Variants in MMP16 observed in about 807,000 individuals in gnomAD.
The protein encoded by MMP16 is matrix metallopeptidase 16, also known as matrix metalloproteinase-16.
Under a neutral mutation model 67.8 loss-of-function variants are expected in MMP16, and 12 were observed. That is an observed-to-expected ratio of 0.18 (90% CI 0.11 to 0.29). The LOEUF (loss-of-function observed/expected upper bound fraction) is 0.29. Ranked by LOEUF, MMP16 falls within the 10% of genes least tolerant of loss-of-function variation. MMP16 has a pLI of 1.00. For missense variants in MMP16, 475 were observed against 765.7 expected, an observed-to-expected ratio of 0.62 and a Z score of 4.48; for synonymous variants, 249 against 255.9, an observed-to-expected ratio of 0.97 and a Z score of 0.26.
chr8:88,201,847 G>A (rs1218820246), intron 1 of MMP16, among the ~76,000 whole-genome samples: 3 of 152,090 alleles, frequency 2.0e-5, no homozygotes, highest in African/African-American at 7.2e-5. Flanking sequence ...AACAGCTTAA[G>A]GACTTTTTTT....
intron 1 of MMP16, among the ~76,000 whole-genome samples, chr8:88,271,153 G>C (rs1430973210): frequency 2.6e-5 from 4 of 152,116 alleles, no homozygotes; most frequent in Non-Finnish European, 4.4e-5. Flanking sequence ...ATACAAACAG[G>C]TATCTAACCA....
chr8:88,224,375 T>C (rs1324253761), intron 1 of MMP16, among the ~76,000 whole-genome samples: 1 of 152,082 alleles, frequency 6.6e-6, no homozygotes, highest in Non-Finnish European at 1.5e-5. Flanking sequence ...ACATATACTA[T>C]AAACAGATAG....
rs1214996172 is a variant in MMP16, at chr8:88,171,627, GA to G, written c.405-3655del. Among the ~76,000 whole-genome samples, 5 of 152,050 alleles carry G rather than the reference GA, an allele frequency of 3.3e-5. No homozygotes were observed. The South Asian group carries it at 6.2e-4, about 19-fold the overall frequency. On this transcript the variant is annotated intron_variant, in intron 3 of 9. Coordinates refer to ENST00000286614, the MANE Select transcript of MMP16 (RefSeq NM_005941.5). ...TATAAAATTCTAAATTAAAAAATAG[GA>G]AAAAACATAATTATAGATATTATTT...
At chr8:88,112,192 T>C (rs1809348641) in intron 6 of MMP16, among the ~76,000 whole-genome samples, 1 of 151,572 alleles carries the variant, frequency 6.6e-6, no homozygotes, top group African/African-American at 2.4e-5. Context: ...CTATCCTTTT[T>C]TTTTTTTTTT....
intron 1 of MMP16, among the ~76,000 whole-genome samples, chr8:88,239,659 G>T (rs537373709): frequency 6.6e-6 from 1 of 152,114 alleles, no homozygotes; most frequent in South Asian, 2.1e-4. Context: ...TCATCTAAGC[G>T]TCTTATGTTT....
chr8:88,209,856 A>G (rs1464986270), intron 1 of MMP16, among the ~76,000 whole-genome samples: 1 of 152,274 alleles, frequency 6.6e-6, no homozygotes, highest in Non-Finnish European at 1.5e-5. Context: ...TTATCCATTC[A>G]TCTCTCAAAG....
At chr8:88,161,275 G>C (rs1270010454) in intron 4 of MMP16, among the ~76,000 whole-genome samples, 1 of 152,068 alleles carries the variant, frequency 6.6e-6, no homozygotes, top group African/African-American at 2.4e-5. Flanking sequence ...TTTAGTCTTG[G>C]GACGGTGTAT....
intron 4 of MMP16, among the ~76,000 whole-genome samples, chr8:88,119,355 A>G (rs988054454): frequency 3.9e-5 from 6 of 152,186 alleles, no homozygotes; most frequent in African/African-American, 1.4e-4. Flanking sequence ...GGGACTCAAG[A>G]TATTTTGACT....
intron 1 of MMP16, among the ~76,000 whole-genome samples, chr8:88,306,059 AAG>A (rs1318952607): frequency 2.0e-5 from 3 of 152,050 alleles, no homozygotes; most frequent in African/African-American, 7.2e-5. Flanking sequence ...GGAAAAAGAA[AAG>A]AGAGAAGAAT....
chr8:88,177,554 C>T (rs1808912706), intron 3 of MMP16, among the ~76,000 whole-genome samples: 1 of 152,148 alleles, frequency 6.6e-6, no homozygotes, highest in Admixed American at 6.5e-5. Flanking sequence ...CAAATTCTTA[C>T]AGTGAAGATC....
At chr8:88,273,403 T>C (rs1468745548) in intron 1 of MMP16, among the ~76,000 whole-genome samples, 1 of 152,104 alleles carries the variant, frequency 6.6e-6, no homozygotes, top group East Asian at 1.9e-4. Context: ...GAAAATAACC[T>C]GCCTTTGATG....
intron 6 of MMP16, among the ~76,000 whole-genome samples, chr8:88,095,851 T>A (rs1178223520): frequency 6.6e-6 from 1 of 151,854 alleles, no homozygotes. Flanking sequence ...ATTTTCCACC[T>A]CCAAAAGCTA....
intron 3 of MMP16, among the ~76,000 whole-genome samples, chr8:88,183,052 T>C (rs1211294998): frequency 6.6e-6 from 1 of 152,028 alleles, no homozygotes; most frequent in African/African-American, 2.4e-5. Context: ...GCCAGGGCTT[T>C]TGGAAGAGGA....
chr8:88,146,927 T>C (rs534046156), intron 4 of MMP16, among the ~76,000 whole-genome samples: 1 of 152,070 alleles, frequency 6.6e-6, no homozygotes, highest in African/African-American at 2.4e-5. Flanking sequence ...TACTCCTATA[T>C]AGCAGGTATA....
At chr8:88,057,920 T>C (rs988514558) in intron 7 of MMP16, among the ~76,000 whole-genome samples, 7 of 151,934 alleles carry the variant, frequency 4.6e-5, no homozygotes, top group Non-Finnish European at 5.9e-5. Flanking sequence ...AAACCAAATA[T>C]ACACATATAT....
chr8:88,074,438 A>G (rs1405707818), intron 7 of MMP16, among the ~76,000 whole-genome samples, 167 bp downstream of exon 7: 1 of 152,206 alleles, frequency 6.6e-6, no homozygotes, highest in African/African-American at 2.4e-5. Context: ...ATGAGAACAA[A>G]TAAAATAAAA....
At chr8:88,322,355 G>A (rs1811473225) in intron 1 of MMP16, among the ~76,000 whole-genome samples, 1 of 152,100 alleles carries the variant, frequency 6.6e-6, no homozygotes, top group African/African-American at 2.4e-5. Context: ...AAACCTACGG[G>A]AAGAAAATGT....
intron 1 of MMP16, among the ~76,000 whole-genome samples, chr8:88,239,392 T>G (rs1287423010): frequency 6.6e-6 from 1 of 151,974 alleles, no homozygotes; most frequent in Non-Finnish European, 1.5e-5. Context: ...AAGTTTTAAC[T>G]TGTCATCGAG....
intron 7 of MMP16, among the ~76,000 whole-genome samples, chr8:88,073,193 A>C (rs1808590819): frequency 6.6e-6 from 1 of 152,162 alleles, no homozygotes; most frequent in Non-Finnish European, 1.5e-5. Context: ...TTTCCCTCCA[A>C]TATCATGTCA....
Sources: allele counts gnomAD v4.1 joint callset (sites outside exome capture counted in the v4.1 genomes callset), GRCh38; gene constraint gnomAD v4.1.1; transcripts MANE v1.5; gene names NCBI Gene and HGNC (gene_info 2026-07-23, HGNC 2026-07-21).